Variants in ZNF600 observed in about 807,000 individuals in gnomAD.
ZNF600 encodes the protein zinc finger protein KR-ZNF1.
ZNF600 carries 4 observed loss-of-function variants against 7.3 expected under a neutral mutation model. The observed-to-expected ratio is 0.55, with a 90% CI of 0.27 to 1.25. ZNF600 has a LOEUF of 1.25. Ranked by LOEUF, ZNF600 falls within the 50% of genes most tolerant of loss-of-function variation. The pLI is 0.12. For missense variants in ZNF600, 911 were observed against 922.1 expected, an observed-to-expected ratio of 0.99 and a Z score of 0.16; for synonymous variants, 290 against 308.9, an observed-to-expected ratio of 0.94 and a Z score of 0.64.
chr19:52,805,239 T>A, the ZNF600 span: 1 of 148,708 alleles, frequency 6.7e-6, no homozygotes. Flanking sequence ...CACTGCACTT[T>A]AGCCTGGGTG....
rs533219143 is a variant in ZNF600 at position 52,771,496 on chromosome 19, CAG to C, written c.190+3077_190+3078del. Among the ~76,000 whole-genome samples the C allele has an allele frequency of 6.6e-4, 100 of 151,220 alleles. 1 individual carries two copies. In the East Asian group the frequency reaches 0.014, roughly 22 times the overall value. The stretch of plus-strand genomic sequence containing the variant: ...GCCTGGCTAATTTTTTTTTTGGAAA[CAG>C]AGTCTCACTCTGTCACCCGGGCTGG... On this transcript the variant is annotated intron_variant, in intron 3 of 3. Transcript: ENST00000648973.
chr19:52,810,468 G>A, the ZNF600 span: 7 of 1,590,644 alleles, frequency 4.4e-6, no homozygotes, highest in African/African-American at 1.3e-5. Flanking sequence ...GAGTCAGTGA[G>A]GACTTCCTTG....
the ZNF600 span, among the ~76,000 whole-genome samples, chr19:52,826,950 A>G: frequency 1.3e-5 from 2 of 152,156 alleles, no homozygotes; most frequent in East Asian, 3.9e-4. Flanking sequence ...TATCTCAGCA[A>G]TTTGGGAGGC....
the ZNF600 span, among the ~76,000 whole-genome samples, chr19:52,819,793 C>T: frequency 7.0e-6 from 1 of 143,880 alleles, no homozygotes; most frequent in African/African-American, 2.8e-5. Context: ...ATGAAATTGA[C>T]TCCCAACATT....
At chr19:52,771,942 A>G (rs142606493) in intron 3 of ZNF600, among the ~76,000 whole-genome samples, 3,101 of 151,662 alleles carry the variant, frequency 0.02, 120 homozygotes, top group African/African-American at 0.07. Flanking sequence ...AGAACAGTGA[A>G]AAGAGTGAGA....
chr19:52,803,509 AAGT>A, the ZNF600 span, among the ~76,000 whole-genome samples: 1 of 152,238 alleles, frequency 6.6e-6, no homozygotes, highest in Non-Finnish European at 1.5e-5. Context: ...AGAAAATAAC[AAGT>A]AGATTTATAC....
chr19:52,800,318 G>GA, the ZNF600 span: 1 of 1,613,384 alleles, frequency 6.2e-7, no homozygotes, highest in Non-Finnish European at 8.5e-7. Flanking sequence ...GTTCTGTAAG[G>GA]CATGAATCAC....
chr19:52,810,780 C>G, the ZNF600 span: 2 of 387,300 alleles, frequency 5.2e-6, no homozygotes, highest in South Asian at 4.4e-5. Context: ...AAAAAAAACC[C>G]AAAAAAAACA....
In ZNF600 at chr19:52,766,118, T is replaced by C. The variant is rs138226770; in HGVS notation, c.1845A>G (p.Arg615=). 23 of 1,614,148 alleles carry C rather than the reference T, an allele frequency of 1.4e-5. No homozygotes were observed. The African/African-American group carries it at 2.9e-4, about 21-fold the overall frequency. The change falls in exon 4 of 4, where the codon AGA becomes AGG. Residue 615 remains arginine (R), a synonymous_variant. Transcript: ENST00000648973. ...TGTAAGGTTTCTCACCACTATGAAGTCTACGATGGCAATGAAGGTATGACC... is the reference window on the plus strand; with the variant it reads ...TGTAAGGTTTCTCACCACTATGAAGCCTACGATGGCAATGAAGGTATGACC...
chr19:52,827,457 G>A, the ZNF600 span, among the ~76,000 whole-genome samples: 275 of 152,126 alleles, frequency 1.8e-3, 1 homozygote, highest in African/African-American at 6.0e-3. Context: ...CAGCTGCCCC[G>A]CAGCACTGAC....
the ZNF600 span, chr19:52,814,241 C>T: frequency 6.9e-6 from 1 of 145,782 alleles, no homozygotes. Flanking sequence ...TGGAGCGTTA[C>T]CACCAAACAA....
At chr19:52,810,459 A>T in the ZNF600 span, 1 of 1,595,280 alleles carries the variant, frequency 6.3e-7, no homozygotes, top group Non-Finnish European at 8.6e-7. Flanking sequence ...GTTCTCAAAG[A>T]GTCAGTGAGG....
At chr19:52,776,405 A>C (rs1223084193) in intron 2 of ZNF600, among the ~76,000 whole-genome samples, 2 of 151,156 alleles carry the variant, frequency 1.3e-5, no homozygotes, top group Non-Finnish European at 2.9e-5. Context: ...AATCCTTCCC[A>C]ATACTTCTTA....
chr19:52,799,906 T>C, the ZNF600 span: 1 of 1,613,970 alleles, frequency 6.2e-7, no homozygotes, highest in Non-Finnish European at 8.5e-7. Context: ...AGGGATGACA[T>C]CTGACTGAAG....
intron 1 of ZNF600, among the ~76,000 whole-genome samples, chr19:52,786,206 CA>C (rs3217247): frequency 0.72 from 109,113 of 151,674 alleles, 40,246 homozygotes; most frequent in Non-Finnish European, 0.77. Flanking sequence ...CCCTGCGACC[CA>C]CCCCAACCCT....
At chr19:52,818,277 A>G in the ZNF600 span, among the ~76,000 whole-genome samples, 2 of 152,234 alleles carry the variant, frequency 1.3e-5, no homozygotes, top group East Asian at 3.9e-4. Context: ...TACCATAAAT[A>G]CAAAAACTTA....
At chr19:52,769,594 C>T (rs2062616459) in intron 3 of ZNF600, among the ~76,000 whole-genome samples, 1 of 152,130 alleles carries the variant, frequency 6.6e-6, no homozygotes. Context: ...AGGGCCACTA[C>T]CCATCTCTGC....
chr19:52,812,876 G>GT, the ZNF600 span, among the ~76,000 whole-genome samples: 1 of 148,444 alleles, frequency 6.7e-6, no homozygotes, highest in East Asian at 2.1e-4. Flanking sequence ...GATTACTATA[G>GT]TTTTAAGGCT....
the ZNF600 span, among the ~76,000 whole-genome samples, chr19:52,829,180 C>A: frequency 5.0e-5 from 7 of 140,758 alleles, no homozygotes; most frequent in East Asian, 3.0e-4. Context: ...TTATTTTTTT[C>A]TTTTTTTATT....
Sources: allele counts gnomAD v4.1 joint callset (sites outside exome capture counted in the v4.1 genomes callset), GRCh38; gene constraint gnomAD v4.1.1; transcripts MANE v1.5; gene names NCBI Gene and HGNC (gene_info 2026-07-23, HGNC 2026-07-21).